WASF3: variants seen among roughly 807,000 people sequenced by gnomAD.
WASF3 encodes the protein actin-binding protein WASF3.
WASF3 carries 11 observed loss-of-function variants against 46.6 expected under a neutral mutation model. That is an observed-to-expected ratio of 0.24 (90% CI 0.15 to 0.39). WASF3 has a LOEUF of 0.39. Ranked by LOEUF, WASF3 falls within the 10% of genes least tolerant of loss-of-function variation. The pLI, the probability that WASF3 is intolerant of heterozygous loss-of-function variation, is 1.00. For missense variants in WASF3, 576 were observed against 669.8 expected (o/e 0.86, Z 1.55); for synonymous variants, 242 against 259.7 (o/e 0.93, Z 0.65).
chr13:26,586,977 C>G (rs745889229), intron 1 of WASF3, among the ~76,000 whole-genome samples: 1 of 151,520 alleles, frequency 6.6e-6, no homozygotes, highest in South Asian at 2.1e-4. Flanking sequence ...GTGGCACACA[C>G]CTGTAGTCCT....
At chr13:26,651,063 T>A (rs1307216403) in intron 3 of WASF3, among the ~76,000 whole-genome samples, 4 of 152,084 alleles carry the variant, frequency 2.6e-5, no homozygotes, top group Non-Finnish European at 4.4e-5. Flanking sequence ...GAAAACCACG[T>A]CATAATAAAA....
At chr13:26,642,155 G>A (rs1361278842) in intron 2 of WASF3, 106 bp from the exon 3 acceptor site, 10 of 1,269,002 alleles carry the variant, frequency 7.9e-6, no homozygotes, top group South Asian at 1.8e-5. Context: ...AGAAATTTTA[G>A]GATAATGAAA....
chr13:26,637,191 C>T (rs1424301825), intron 2 of WASF3, among the ~76,000 whole-genome samples: 1 of 152,174 alleles, frequency 6.6e-6, no homozygotes, highest in Admixed American at 6.5e-5. Flanking sequence ...GCATGTAATG[C>T]CTGCAGGGGG....
intron 1 of WASF3, among the ~76,000 whole-genome samples, chr13:26,570,549 T>G (rs1372483226): frequency 1.3e-5 from 2 of 152,274 alleles, no homozygotes; most frequent in East Asian, 3.9e-4. Context: ...CTGTTTAAAT[T>G]CTGTTGCACT....
At chr13:26,592,646 A>G (rs1880339672) in intron 1 of WASF3, among the ~76,000 whole-genome samples, 1 of 152,154 alleles carries the variant, frequency 6.6e-6, no homozygotes, top group South Asian at 2.1e-4. Context: ...TTACCACTAT[A>G]AAGGCCCTAC....
chr13:26,624,190 TAAAAA>T (rs1445112616), intron 2 of WASF3, among the ~76,000 whole-genome samples: 1 of 152,190 alleles, frequency 6.6e-6, no homozygotes, highest in Non-Finnish European at 1.5e-5. Flanking sequence ...TATGGGAACT[TAAAAA>T]TAACTGTGAT....
chr13:26,648,886 C>T (rs563538334), intron 3 of WASF3, among the ~76,000 whole-genome samples: 2 of 152,154 alleles, frequency 1.3e-5, no homozygotes, highest in Admixed American at 6.5e-5. Flanking sequence ...GATTCACACT[C>T]TCATTACCCA....
chr13:26,562,719 T>C (rs1407308098), intron 1 of WASF3, among the ~76,000 whole-genome samples: 1 of 151,820 alleles, frequency 6.6e-6, no homozygotes, highest in East Asian at 1.9e-4. Context: ...TGGAACCTCA[T>C]TGCTGTGGAT....
intron 1 of WASF3, chr13:26,577,456 CA>C: frequency 1.2e-6 from 1 of 849,248 alleles, no homozygotes; most frequent in South Asian, 1.3e-5. Context: ...TGATTCCAGA[CA>C]GCATTGGAAA....
the WASF3 span, among the ~76,000 whole-genome samples, chr13:26,546,620 G>A: frequency 6.6e-6 from 1 of 152,180 alleles, no homozygotes; most frequent in Admixed American, 6.5e-5. Flanking sequence ...GCTGAGGCAG[G>A]AAAATGGCTT....
At chr13:26,631,436 C>T (rs914416245) in intron 2 of WASF3, among the ~76,000 whole-genome samples, 1 of 152,168 alleles carries the variant, frequency 6.6e-6, no homozygotes, top group Non-Finnish European at 1.5e-5. Flanking sequence ...GGAATCCTTT[C>T]TCCATTTCTT....
At chr13:26,546,412 T>C in the WASF3 span, among the ~76,000 whole-genome samples, 1 of 152,118 alleles carries the variant, frequency 6.6e-6, no homozygotes, top group Admixed American at 6.5e-5. Flanking sequence ...AAAATAAAAG[T>C]AAAAACAGAC....
At chr13:26,589,586 A>G (rs1259239289) in intron 1 of WASF3, among the ~76,000 whole-genome samples, 1 of 152,180 alleles carries the variant, frequency 6.6e-6, no homozygotes, top group African/African-American at 2.4e-5. Flanking sequence ...AATGTTAAGA[A>G]TAAAATTGGT....
At chr13:26,633,471 T>C (rs1396134071) in intron 2 of WASF3, among the ~76,000 whole-genome samples, 3 of 152,192 alleles carry the variant, frequency 2.0e-5, no homozygotes, top group Admixed American at 1.3e-4. Flanking sequence ...CCCAAAGTGC[T>C]GGGATTAAAG....
At position 26,569,786 on chromosome 13, in the gene WASF3, T is replaced by A. The variant is rs1313017067; in HGVS notation, c.-109+11967T>A. Among the ~76,000 whole-genome samples, 4 of 152,266 alleles carry A rather than the reference T, an allele frequency of 2.6e-5. No homozygotes were observed. In the East Asian group the frequency reaches 7.7e-4, roughly 29 times the overall value. On this transcript the variant is annotated intron_variant, in intron 1 of 9. Transcript: ENST00000335327. ...CTAGTTTTATTGAAAAGATTGATGA[T>A]ATCAATCAATTTGGTGAGATTAATA...
At chr13:26,638,979 C>T (rs1881912360) in intron 2 of WASF3, among the ~76,000 whole-genome samples, 1 of 152,178 alleles carries the variant, frequency 6.6e-6, no homozygotes, top group African/African-American at 2.4e-5. Context: ...TCTTTGCATA[C>T]ACCCACTGTC....
chr13:26,540,512 G>C, the WASF3 span, among the ~76,000 whole-genome samples: 1 of 152,180 alleles, frequency 6.6e-6, no homozygotes, highest in Non-Finnish European at 1.5e-5. Flanking sequence ...GCCTGCCTCT[G>C]TGTCCACCCC....
intron 2 of WASF3, among the ~76,000 whole-genome samples, chr13:26,634,546 T>C (rs1202859682): frequency 6.6e-6 from 1 of 152,242 alleles, no homozygotes; most frequent in Non-Finnish European, 1.5e-5. Flanking sequence ...TAGCTGGTTA[T>C]TTTGACTGTT....
intron 1 of WASF3, among the ~76,000 whole-genome samples, chr13:26,610,976 G>A (rs867216697): frequency 6.6e-6 from 1 of 151,234 alleles, no homozygotes; most frequent in Non-Finnish European, 1.5e-5. Context: ...AAAGAAAAAG[G>A]CATGTGTCCG....
Sources: gnomAD v4.1 joint callset for allele counts (sites outside exome capture counted in the v4.1 genomes callset) on GRCh38, gnomAD v4.1.1 for gene constraint, MANE v1.5 for transcripts, NCBI Gene and HGNC (gene_info 2026-07-23, HGNC 2026-07-21) for gene names.